HHAT: variants seen among roughly 807,000 people sequenced by gnomAD.
HHAT encodes the protein hedgehog acyltransferase, also known as protein-cysteine N-palmitoyltransferase HHAT.
A neutral mutation model predicts 70.8 loss-of-function variants in HHAT; 47 were observed. The observed-to-expected ratio is 0.66, with a 90% CI of 0.53 to 0.85. The LOEUF is 0.85. Among genes scored for constraint, HHAT ranks in the 40% least tolerant of loss-of-function variants. The pLI is 0.00. For missense variants in HHAT, 609 were observed against 604.8 expected, an observed-to-expected ratio of 1.01 and a Z score of -0.07; for synonymous variants, 228 against 247.6, an observed-to-expected ratio of 0.92 and a Z score of 0.74.
At chr1:210,425,976 A>C (rs896970506) in intron 7 of HHAT, among the ~76,000 whole-genome samples, 1 of 152,242 alleles carries the variant, frequency 6.6e-6, no homozygotes, top group African/African-American at 2.4e-5. Flanking sequence ...ATCCATGAGC[A>C]TGGAATGTTC....
At chr1:210,611,695 T>C (rs1286048432) in intron 10 of HHAT, among the ~76,000 whole-genome samples, 1 of 152,206 alleles carries the variant, frequency 6.6e-6, no homozygotes, top group African/African-American at 2.4e-5. Context: ...ACCTAGTTTA[T>C]TGAGAGTTTT....
At chr1:210,408,119 G>A (rs753938733) in intron 6 of HHAT, among the ~76,000 whole-genome samples, 6 of 152,182 alleles carry the variant, frequency 3.9e-5, no homozygotes, top group Non-Finnish European at 7.3e-5. Context: ...GGATTGCTGT[G>A]AGGATTAAAT....
rs757840439 is a variant in HHAT at position 210,588,239 on chromosome 1, C to T, written c.1245+140C>T. 18 of 656,176 alleles carry T rather than the reference C, an allele frequency of 2.7e-5. No homozygotes were observed. In the African/African-American group the frequency reaches 3.3e-4, roughly 12 times the overall value. The allele number at this position is 656,176 out of a possible 1,614,324, so 40.6% of individuals were successfully genotyped here. A position where few individuals can be genotyped will look rare whatever the true frequency, so the allele number is the denominator to read the frequency against. On this transcript the variant is annotated intron_variant, in intron 10 of 11. Transcript: ENST00000261458. ...GGTTCAAAGTCCATATGCCTAGAGGCAAGACAGCTGGAAAAGAAGCTTCTG... is the reference window on the plus strand; with the variant it reads ...GGTTCAAAGTCCATATGCCTAGAGGTAAGACAGCTGGAAAAGAAGCTTCTG...
chr1:210,663,226 TGGG>T (rs925624822), intron 11 of HHAT, among the ~76,000 whole-genome samples: 3 of 152,112 alleles, frequency 2.0e-5, no homozygotes, highest in African/African-American at 7.2e-5. Flanking sequence ...CCCCAGGAGA[TGGG>T]GGGACCGAGT....
chr1:210,386,065 G>GGTTTTTTT (rs779946919), intron 3 of HHAT, among the ~76,000 whole-genome samples: 1 of 151,914 alleles, frequency 6.6e-6, no homozygotes, highest in Non-Finnish European at 1.5e-5. Flanking sequence ...GCAAAAAAGA[G>GGTTTTTTT]TTTTATTTGT....
intron 7 of HHAT, among the ~76,000 whole-genome samples, chr1:210,448,470 A>G (rs1462357443): frequency 6.6e-6 from 1 of 152,204 alleles, no homozygotes; most frequent in Non-Finnish European, 1.5e-5. Flanking sequence ...TAGACATACT[A>G]GAAGGGGCCA....
intron 1 of HHAT, among the ~76,000 whole-genome samples, chr1:210,329,747 G>A (rs1289877224): frequency 6.6e-6 from 1 of 152,148 alleles, no homozygotes; most frequent in Non-Finnish European, 1.5e-5. Context: ...TTCTGTTTTT[G>A]TTGTTGTTTG....
At chr1:210,601,937 C>CAGAGAGAGAG (rs147826172) in intron 10 of HHAT, among the ~76,000 whole-genome samples, 5,937 of 147,282 alleles carry the variant, frequency 0.04, 159 homozygotes, top group African/African-American at 0.078. Context: ...ATTTGAGACT[C>CAGAGAGAGAG]AGAGAGAGAG....
chr1:210,539,217 A>G (rs536141018), intron 9 of HHAT, among the ~76,000 whole-genome samples: 59 of 152,356 alleles, frequency 3.9e-4, no homozygotes, highest in African/African-American at 1.4e-3. Context: ...GGTGTAGGAC[A>G]TCTGCCTGGC....
intron 7 of HHAT, among the ~76,000 whole-genome samples, chr1:210,464,061 G>A (rs1398215156): frequency 1.3e-5 from 2 of 151,856 alleles, no homozygotes; most frequent in African/African-American, 4.8e-5. Flanking sequence ...TAACCCAATT[G>A]TATTCTTCTA....
intron 6 of HHAT, among the ~76,000 whole-genome samples, chr1:210,412,690 A>G (rs1156824234): frequency 6.6e-6 from 1 of 152,214 alleles, no homozygotes; most frequent in Non-Finnish European, 1.5e-5. Context: ...GCCTCTGGAC[A>G]CATGGTGGTG....
At chr1:210,631,180 A>G (rs1343032699) in intron 11 of HHAT, 5 of 451,594 alleles carry the variant, frequency 1.1e-5, no homozygotes, top group Admixed American at 2.4e-5. Context: ...ATATCAGGTG[A>G]GATTATAAGC....
intron 10 of HHAT, among the ~76,000 whole-genome samples, chr1:210,596,844 G>A (rs1448705766): frequency 1.1e-4 from 17 of 152,064 alleles, no homozygotes; most frequent in Non-Finnish European, 2.9e-5. Flanking sequence ...CGTTCACTGA[G>A]GTCATATTTT....
At chr1:210,364,237 T>C (rs1377263376) in intron 3 of HHAT, among the ~76,000 whole-genome samples, 2 of 152,194 alleles carry the variant, frequency 1.3e-5, no homozygotes, top group East Asian at 3.9e-4. Context: ...AAATAAGCCC[T>C]TTTTAGGATT....
intron 8 of HHAT, among the ~76,000 whole-genome samples, chr1:210,479,809 C>G (rs1329395887): frequency 6.6e-6 from 1 of 152,158 alleles, no homozygotes; most frequent in African/African-American, 2.4e-5. Context: ...GTTGGAAAAG[C>G]AGAGCAATAT....
intron 4 of HHAT, among the ~76,000 whole-genome samples, chr1:210,393,899 C>T (rs974877176): frequency 6.6e-6 from 1 of 152,178 alleles, no homozygotes; most frequent in African/African-American, 2.4e-5. Context: ...GTATGAACCA[C>T]AGCGTTGGCC....
At chr1:210,370,814 C>A (rs541558233) in intron 3 of HHAT, among the ~76,000 whole-genome samples, 2 of 152,024 alleles carry the variant, frequency 1.3e-5, no homozygotes, top group South Asian at 4.2e-4. Flanking sequence ...CGGGGTTTCA[C>A]CGCATTAGTT....
At chr1:210,332,952 G>T (rs924262106) in intron 1 of HHAT, among the ~76,000 whole-genome samples, 1 of 152,186 alleles carries the variant, frequency 6.6e-6, no homozygotes, top group Non-Finnish European at 1.5e-5. Context: ...TTCGGCTAGG[G>T]TTAGCTTGTG....
intron 7 of HHAT, among the ~76,000 whole-genome samples, chr1:210,421,314 A>G (rs2092897008): frequency 6.6e-6 from 1 of 152,150 alleles, no homozygotes; most frequent in Admixed American, 6.6e-5. Context: ...AAAATAGAGA[A>G]CCCAGAAATT....
Sources: allele counts gnomAD v4.1 joint callset (sites outside exome capture counted in the v4.1 genomes callset), GRCh38; gene constraint gnomAD v4.1.1; transcripts MANE v1.5; gene names NCBI Gene and HGNC (gene_info 2026-07-23, HGNC 2026-07-21).